Variants in FHIP1A observed in about 807,000 individuals in gnomAD.
FHIP1A encodes the protein FHF complex subunit HOOK-interacting protein 1A.
In FHIP1A, 61 loss-of-function variants were observed where a neutral mutation model predicts 88.6. That is an observed-to-expected ratio of 0.69 (90% CI 0.56 to 0.85). The LOEUF (loss-of-function observed/expected upper bound fraction) is 0.85. FHIP1A is among the 40% of genes least tolerant of loss of function. FHIP1A has a pLI of 0.00. For synonymous variants in FHIP1A, 478 were observed against 496.0 expected, an observed-to-expected ratio of 0.96 and a Z score of 0.48; for missense variants, 1,154 against 1,273.5, an observed-to-expected ratio of 0.91 and a Z score of 1.43.
chr4:151,641,087 G>T (rs1308660297), intron 9 of FHIP1A, among the ~76,000 whole-genome samples: 2 of 152,068 alleles, frequency 1.3e-5, no homozygotes, highest in African/African-American at 4.8e-5. Flanking sequence ...GACGTTAGGA[G>T]ATGGGCTTGA....
intron 3 of FHIP1A, among the ~76,000 whole-genome samples, chr4:151,522,406 T>A (rs1731478162): frequency 6.6e-6 from 1 of 152,248 alleles, no homozygotes; most frequent in South Asian, 2.1e-4. Context: ...CTCTGGTTAA[T>A]TCTTGATGAA....
chr4:151,453,015 G>C (rs1561501634), intron 1 of FHIP1A, among the ~76,000 whole-genome samples: 1 of 150,392 alleles, frequency 6.6e-6, no homozygotes, highest in African/African-American at 2.4e-5. Flanking sequence ...GCCTATACTG[G>C]ACATAGTTGT....
intron 3 of FHIP1A, among the ~76,000 whole-genome samples, chr4:151,531,845 G>T (rs1402024319): frequency 6.6e-6 from 1 of 152,194 alleles, no homozygotes; most frequent in Non-Finnish European, 1.5e-5. Flanking sequence ...TACAAGGACA[G>T]AGCCTAAGTC....
At position 151,449,778 on chromosome 4, in the gene FHIP1A, T is replaced by C. The variant is rs762853847; in HGVS notation, c.-355-4923T>C. On this transcript the variant is annotated intron_variant, in intron 1 of 13. Coordinates refer to ENST00000435205, the MANE Select transcript of FHIP1A (RefSeq NM_001109977.3). ...ATCATTCTTAACTCTAGAGGCAGCA[T>C]GTGTCCTGGGGTGTGTTGGGATGGT... Among the ~76,000 whole-genome samples the C allele has an allele frequency of 2.0e-5, 3 of 152,214 alleles. No homozygotes were observed. The East Asian group carries it at 5.8e-4, about 29-fold the overall frequency.
chr4:151,562,969 T>G (rs1733233072), intron 3 of FHIP1A, among the ~76,000 whole-genome samples: 1 of 152,148 alleles, frequency 6.6e-6, no homozygotes, highest in Non-Finnish European at 1.5e-5. Context: ...GAAGCATATG[T>G]TTTGCTTTTT....
At chr4:151,422,813 T>C (rs889997072) in intron 1 of FHIP1A, among the ~76,000 whole-genome samples, 1 of 152,158 alleles carries the variant, frequency 6.6e-6, no homozygotes, top group Non-Finnish European at 1.5e-5. Flanking sequence ...AAGCGTGGAA[T>C]TGAGAAGGCT....
At chr4:151,543,754 A>G (rs1194913902) in intron 3 of FHIP1A, among the ~76,000 whole-genome samples, 3 of 152,234 alleles carry the variant, frequency 2.0e-5, no homozygotes, top group African/African-American at 7.2e-5. Context: ...ATGAATGCAA[A>G]CAATTTAATT....
chr4:151,410,599 A>G (rs1732589173), intron 1 of FHIP1A, among the ~76,000 whole-genome samples: 1 of 152,194 alleles, frequency 6.6e-6, no homozygotes, highest in Admixed American at 6.5e-5. Context: ...TGTCAGGGTC[A>G]CCTGCCTGAC....
rs542513668 is a variant in FHIP1A, at chr4:151,516,476, C to T, written c.-123+33828C>T. ...GGGATCTAATTAAACTCAAGAGCTT[C>T]TGCACAGCAAAAGAAACTACCATCA... On this transcript the variant is annotated intron_variant, in intron 3 of 13. Coordinates refer to ENST00000435205, the MANE Select transcript of FHIP1A (RefSeq NM_001109977.3). Among the ~76,000 whole-genome samples the T allele has an allele frequency of 5.7e-3, 867 of 152,222 alleles. 4 individuals are homozygous for T. The highest frequency in any genetic ancestry group is 0.01 in the Middle Eastern group (3 of 294).
At chr4:151,459,316 A>G (rs975388413) in intron 2 of FHIP1A, among the ~76,000 whole-genome samples, 2 of 152,312 alleles carry the variant, frequency 1.3e-5, no homozygotes, top group South Asian at 2.1e-4. Flanking sequence ...TCTGCTACCT[A>G]AAGACTTTTA....
At chr4:151,578,345 T>C (rs1560779572) in intron 5 of FHIP1A, among the ~76,000 whole-genome samples, 1 of 152,142 alleles carries the variant, frequency 6.6e-6, no homozygotes, top group Non-Finnish European at 1.5e-5. Flanking sequence ...TAAGAATGAT[T>C]TTAGTTGTTC....
intron 3 of FHIP1A, among the ~76,000 whole-genome samples, chr4:151,488,319 C>T (rs1482483518): frequency 6.6e-6 from 1 of 152,120 alleles, no homozygotes; most frequent in East Asian, 1.9e-4. Context: ...AGCTCTTTCC[C>T]CCCTCACTCT....
chr4:151,481,813 C>A (rs1353167692), intron 2 of FHIP1A, among the ~76,000 whole-genome samples: 1 of 152,054 alleles, frequency 6.6e-6, no homozygotes, highest in Non-Finnish European at 1.5e-5. Context: ...GGGTTAGTCT[C>A]TCTAGATGTT....
chr4:151,582,114 A>G (rs533909526), intron 5 of FHIP1A, among the ~76,000 whole-genome samples: 29 of 152,338 alleles, frequency 1.9e-4, no homozygotes, highest in African/African-American at 7.0e-4. Context: ...TGCAAATTAA[A>G]GCAAGCGACC....
intron 3 of FHIP1A, among the ~76,000 whole-genome samples, chr4:151,496,355 T>C (rs1013202585): frequency 1.3e-5 from 2 of 152,088 alleles, no homozygotes; most frequent in Admixed American, 6.6e-5. Flanking sequence ...GGTAGCTTTG[T>C]AGTCCTGTGG....
At chr4:151,539,685 G>A (rs549487257) in intron 3 of FHIP1A, among the ~76,000 whole-genome samples, 211 of 151,942 alleles carry the variant, frequency 1.4e-3, no homozygotes, top group Non-Finnish European at 2.5e-3. Context: ...CCCACTCCCT[G>A]CTGAGTGCCC....
In FHIP1A at chr4:151,668,761, A is replaced by G. The variant is rs28454065; in HGVS notation, c.*6007A>G. Among the ~76,000 whole-genome samples the G allele has an allele frequency of 0.034, 5,219 of 151,928 alleles. 297 individuals carry two copies. Among genetic ancestry groups the G allele is most frequent in the African/African-American group, 0.12 (4,900 of 41,398 alleles). On this transcript the variant is annotated 3_prime_UTR_variant, in exon 14 of 14. Coordinates refer to ENST00000435205, the MANE Select transcript of FHIP1A (RefSeq NM_001109977.3). Reference sequence around the variant, plus strand: ...TCTGTTAGGTAGCATGCAGAGTGCTAGGGCTGGCACATTCCTGCCTTCCCA... The same window carrying G: ...TCTGTTAGGTAGCATGCAGAGTGCTGGGGCTGGCACATTCCTGCCTTCCCA...
chr4:151,648,238 C>G (rs1260511505), intron 10 of FHIP1A, among the ~76,000 whole-genome samples: 1 of 152,074 alleles, frequency 6.6e-6, no homozygotes, highest in Admixed American at 6.6e-5. Flanking sequence ...TTTTTCTTAT[C>G]TGTAAAATAG....
At chr4:151,592,283 C>T (rs529669639) in intron 7 of FHIP1A, among the ~76,000 whole-genome samples, 36 of 152,040 alleles carry the variant, frequency 2.4e-4, no homozygotes, top group South Asian at 4.1e-4. Context: ...CACAGGCGCC[C>T]GCCACCATGC....
Sources: gnomAD v4.1 joint callset for allele counts (sites outside exome capture counted in the v4.1 genomes callset) on GRCh38, gnomAD v4.1.1 for gene constraint, MANE v1.5 for transcripts, NCBI Gene and HGNC (gene_info 2026-07-23, HGNC 2026-07-21) for gene names.